Variants in VWA8 observed in about 807,000 individuals in gnomAD.
VWA8 encodes von Willebrand factor A domain-containing protein 8.
Under a neutral mutation model 241.5 loss-of-function variants are expected in VWA8, and 221 were observed. The ratio of observed to expected loss-of-function variants is 0.91; its 90% CI spans 0.82 to 1.02. VWA8 has a LOEUF of 1.02. Ranked by LOEUF, VWA8 falls within the 50% of genes least tolerant of loss-of-function variation. The probability of loss-of-function intolerance (pLI) is 0.00; values close to 1 mark genes in which losing one functional copy is unlikely to be tolerated. For missense variants in VWA8, 2,322 were observed against 2,328.7 expected (o/e 1.00, Z 0.06); for synonymous variants, 852 against 827.1 (o/e 1.03, Z -0.52).
chr13:41,738,762 G>A (rs913757104), intron 21 of VWA8, among the ~76,000 whole-genome samples: 6 of 151,990 alleles, frequency 3.9e-5, no homozygotes, highest in African/African-American at 1.5e-4. Flanking sequence ...ACAGTGTGCA[G>A]GTCCCTTATT....
intron 4 of VWA8, among the ~76,000 whole-genome samples, chr13:41,904,926 G>C (rs546282225): frequency 4.1e-4 from 63 of 151,928 alleles, no homozygotes; most frequent in Non-Finnish European, 6.2e-4. Flanking sequence ...GGACTTTCCT[G>C]TTACCTTTCT....
Position 41,923,973 on chromosome 13 carries a change from AAC to A in VWA8, c.242-11807_242-11806del, listed in dbSNP as rs1237830493. Among the ~76,000 whole-genome samples, 5 of 151,968 alleles carry A rather than the reference AAC, an allele frequency of 3.3e-5. No individual in the cohort carries two copies. In the East Asian group the frequency reaches 9.7e-4, roughly 29 times the overall value. The stretch of plus-strand genomic sequence containing the variant: ...GCACAGAAATCAGCATCAGAACACA[AAC>A]ACACACACAAACACACACAAATGAA... On this transcript the variant is annotated intron_variant, in intron 2 of 44. Transcript: ENST00000379310.
At chr13:41,891,386 G>A (rs1874834329) in intron 5 of VWA8, 34 bp downstream of exon 5, 1 of 1,612,570 alleles carries the variant, frequency 6.2e-7, no homozygotes, top group Non-Finnish European at 8.5e-7. Context: ...TAGCTTGACA[G>A]CAAAGACAAA....
intron 19 of VWA8, among the ~76,000 whole-genome samples, chr13:41,781,557 A>G (rs1876513127): frequency 6.6e-6 from 1 of 152,168 alleles, no homozygotes; most frequent in African/African-American, 2.4e-5. Flanking sequence ...GTGTATTTTA[A>G]TCTCTGTATC....
At chr13:41,790,512 G>T (rs1440206058) in intron 17 of VWA8, among the ~76,000 whole-genome samples, 1 of 151,928 alleles carries the variant, frequency 6.6e-6, no homozygotes, top group Non-Finnish European at 1.5e-5. Flanking sequence ...TTCAATATCA[G>T]AAACAGTTAA....
At chr13:41,812,823 T>C (rs1870531585) in intron 16 of VWA8, among the ~76,000 whole-genome samples, 1 of 152,184 alleles carries the variant, frequency 6.6e-6, no homozygotes, top group Admixed American at 6.5e-5. Context: ...ATTGGTCCAT[T>C]CTTGTTTTCA....
At chr13:41,683,211 A>G (rs542275301) in intron 35 of VWA8, among the ~76,000 whole-genome samples, 1 of 152,268 alleles carries the variant, frequency 6.6e-6, no homozygotes, top group South Asian at 2.1e-4. Flanking sequence ...GTGAATGGAT[A>G]AACAAACTGT....
chr13:41,892,231 C>CA (rs752747983), intron 4 of VWA8, among the ~76,000 whole-genome samples: 1 of 151,990 alleles, frequency 6.6e-6, no homozygotes, highest in Non-Finnish European at 1.5e-5. Flanking sequence ...AACTGTAATA[C>CA]AAAAAAATTA....
intron 2 of VWA8, among the ~76,000 whole-genome samples, chr13:41,946,120 G>C (rs1877836888): frequency 6.7e-6 from 1 of 148,500 alleles, no homozygotes. Flanking sequence ...CATATTCAAA[G>C]TGCTGAAAAA....
intron 12 of VWA8, among the ~76,000 whole-genome samples, chr13:41,838,759 T>C (rs1871857589): frequency 6.6e-6 from 1 of 152,138 alleles, no homozygotes; most frequent in Non-Finnish European, 1.5e-5. Context: ...GTTACAGGTG[T>C]TCCTGTATTA....
intron 12 of VWA8, among the ~76,000 whole-genome samples, chr13:41,854,790 T>C (rs1872670833): frequency 6.6e-6 from 1 of 152,262 alleles, no homozygotes; most frequent in South Asian, 2.1e-4. Flanking sequence ...GGAGTACATA[T>C]AAATTAAATT....
intron 39 of VWA8, among the ~76,000 whole-genome samples, chr13:41,610,042 C>A (rs2044577522): frequency 6.6e-6 from 1 of 152,158 alleles, no homozygotes; most frequent in African/African-American, 2.4e-5. Context: ...ACCTTTCTGC[C>A]TCCCTGTGAA....
At chr13:41,858,363 T>G (rs1872851358) in intron 12 of VWA8, among the ~76,000 whole-genome samples, 1 of 152,106 alleles carries the variant, frequency 6.6e-6, no homozygotes, top group Admixed American at 6.5e-5. Flanking sequence ...CCCACCACTT[T>G]AGGAGGCCAA....
At position 41,886,796 on chromosome 13, in the gene VWA8, T is replaced by C. The variant is rs41288299; in HGVS notation, c.851A>G (p.Asn284Ser). 6.5e-5 allele frequency: 103 copies of C among 1,593,396 alleles called. 2 individuals carry two copies. The Middle Eastern group carries it at 1.3e-3, about 21-fold the overall frequency. ...ATATACTTACTTCTCAGCAGAAACA[T>C]TGGCTCCAATTGAATATAACAACTT... ...QLKLLYSIGA[N>S]VSAEKVSQLL... is the part of the protein sequence containing the mutation. Residue 284 changes from asparagine (N) to serine (S), a missense_variant, in exon 7 of 45, where the codon AAT becomes AGT. Coordinates refer to ENST00000379310, the MANE Select transcript of VWA8 (RefSeq NM_015058.2).
intron 42 of VWA8, among the ~76,000 whole-genome samples, chr13:41,586,001 T>C (rs1362222965): frequency 6.6e-6 from 1 of 152,054 alleles, no homozygotes; most frequent in Non-Finnish European, 1.5e-5. Context: ...TCAAAGGTTT[T>C]AATACATTAG....
chr13:41,900,658 A>G (rs1369391039), intron 4 of VWA8, among the ~76,000 whole-genome samples: 1 of 152,184 alleles, frequency 6.6e-6, no homozygotes, highest in African/African-American at 2.4e-5. Flanking sequence ...GGTATTATAC[A>G]GTGTAACAGT....
At chr13:41,681,686 G>A (rs541663115) in intron 35 of VWA8, among the ~76,000 whole-genome samples, 18 of 152,186 alleles carry the variant, frequency 1.2e-4, no homozygotes, top group African/African-American at 4.1e-4. Flanking sequence ...ACTTTTGTAG[G>A]CCTGAGATAT....
chr13:41,891,589 T>G lies in VWA8; in HGVS notation c.484-2A>C. Reference sequence around the variant, plus strand: ...TTCTGTGGCTGCACGAACTGCACACTATTTCCAAGAAACGTAAAAGCAAAA... The same window carrying G: ...TTCTGTGGCTGCACGAACTGCACACGATTTCCAAGAAACGTAAAAGCAAAA... On this transcript the variant is annotated splice_acceptor_variant, in intron 4 of 44. Coordinates refer to ENST00000379310, the MANE Select transcript of VWA8 (RefSeq NM_015058.2). LOFTEE classifies it high-confidence loss of function. 6.2e-7 allele frequency: 1 copy of G among 1,613,868 alleles called. No homozygotes were observed. Among genetic ancestry groups the G allele is most frequent in the Admixed American group, 1.7e-5 (1 of 59,982 alleles).
intron 28 of VWA8, among the ~76,000 whole-genome samples, chr13:41,699,910 AAT>A (rs2137825933): frequency 6.6e-6 from 1 of 152,282 alleles, no homozygotes; most frequent in East Asian, 1.9e-4. Flanking sequence ...CTGGGGATCT[AAT>A]AAAACTGCAG....
Sources: allele counts gnomAD v4.1 joint callset (sites outside exome capture counted in the v4.1 genomes callset), GRCh38; gene constraint gnomAD v4.1.1; transcripts MANE v1.5; gene names NCBI Gene and HGNC (gene_info 2026-07-23, HGNC 2026-07-21).